SCN9A: variants seen among roughly 807,000 people sequenced by gnomAD.
SCN9A encodes sodium voltage-gated channel alpha subunit 9, also known as sodium channel protein type 9 subunit alpha.
Under a neutral mutation model 187.0 loss-of-function variants are expected in SCN9A, and 131 were observed. That is an observed-to-expected ratio of 0.70 (90% confidence interval 0.61 to 0.81). The LOEUF is 0.81. Among genes scored for constraint, SCN9A ranks in the 30% least tolerant of loss-of-function variants. The probability of loss-of-function intolerance (pLI) is 0.00; values close to 1 mark genes in which losing one functional copy is unlikely to be tolerated. For missense variants in SCN9A, 2,252 were observed against 2,396.6 expected (o/e 0.94, Z 1.26); for synonymous variants, 809 against 808.6 (o/e 1.00, Z -0.01).
intron 1 of SCN9A, among the ~76,000 whole-genome samples, chr2:166,352,266 C>T (rs1225664018): frequency 3.9e-5 from 6 of 152,080 alleles, no homozygotes; most frequent in Non-Finnish European, 5.9e-5. Flanking sequence ...GGATGATTCC[C>T]CTTTAAAGAC....
rs199800370 is a variant in SCN9A at position 166,228,708 on chromosome 2, G to A, written c.4189C>T (p.Leu1397=). ...ACACTTACAACTTGAAGCAGAGATA[G>A]GTAACCAAGTCCGACATTATCAAAG... The part of the protein sequence containing the change: ...VNFDNVGLGY[L]SLLQVATFKG... The change falls in exon 22 of 27, where the codon CTA becomes TTA. Residue 1397 remains leucine (L), a synonymous_variant. Transcript: ENST00000642356. 5 of 1,612,208 alleles carry A rather than the reference G, an allele frequency of 3.1e-6. No homozygotes were observed. In the East Asian group the frequency reaches 8.9e-5, roughly 29 times the overall value.
chr2:166,340,536 CTTTCCCTTTCTT>C lies in SCN9A; in HGVS notation c.-50-28742_-50-28731del, dbSNP rs1699743596. ...CTTCCTTCCCTCTCTCCTTTCTTTT[CTTTCCCTTTCTT>C]TCTTTCTTTCTTTCTTTCTTTCTTT... On this transcript the variant is annotated intron_variant, in intron 1 of 26. Transcript: ENST00000642356. 2.1e-5 allele frequency among the ~76,000 whole-genome samples: 2 copies of C among 95,020 alleles called. 1 individual carries two copies. The highest frequency in any genetic ancestry group is 1.1e-4 in the African/African-American group (2 of 18,886). The allele number at this position is 95,020 out of a possible 152,430, so 62.3% of individuals were successfully genotyped here.
intron 18 of SCN9A, 132 bp downstream of exon 18, chr2:166,251,633 A>G: frequency 1.1e-6 from 1 of 911,304 alleles, no homozygotes; most frequent in Non-Finnish European, 1.7e-6. Flanking sequence ...TAATCATCAT[A>G]CAGCTATAGC....
At chr2:166,357,730 A>C (rs1372266519) in intron 1 of SCN9A, among the ~76,000 whole-genome samples, 1 of 152,156 alleles carries the variant, frequency 6.6e-6, no homozygotes, top group Non-Finnish European at 1.5e-5. Context: ...ACTCCTCACT[A>C]GTCAAGAAGT....
At chr2:166,271,636 C>A (rs1696989914) in intron 17 of SCN9A, among the ~76,000 whole-genome samples, 2 of 151,976 alleles carry the variant, frequency 1.3e-5, no homozygotes, top group Non-Finnish European at 1.5e-5. Context: ...TGAAGAATTG[C>A]CTGAGTCCAG....
At chr2:166,298,637 C>G (rs1394846688) in intron 7 of SCN9A, 3 of 152,168 alleles carry the variant, frequency 2.0e-5, no homozygotes, top group Non-Finnish European at 4.4e-5. Flanking sequence ...AATTCATTTG[C>G]CTTAGCACTT....
intron 24 of SCN9A, among the ~76,000 whole-genome samples, chr2:166,222,322 A>G (rs977626706): frequency 8.5e-5 from 13 of 152,232 alleles, no homozygotes; most frequent in Non-Finnish European, 1.9e-4. Context: ...TAATCATCAG[A>G]AAATTCAAAT....
At chr2:166,367,978 A>G (rs755705775) in intron 1 of SCN9A, among the ~76,000 whole-genome samples, 3 of 152,238 alleles carry the variant, frequency 2.0e-5, no homozygotes, top group Non-Finnish European at 4.4e-5. Flanking sequence ...ATTTTATTTT[A>G]GCTCCATTAA....
chr2:166,226,789 C>G, intron 23 of SCN9A, 85 bp from the exon 24 acceptor site: 1 of 966,434 alleles, frequency 1.0e-6, no homozygotes, highest in African/African-American at 1.7e-5. Flanking sequence ...GTAATTCAAA[C>G]AGTGCTATCC....
chr2:166,313,468 A>G (rs547082685), intron 1 of SCN9A, among the ~76,000 whole-genome samples: 2 of 152,162 alleles, frequency 1.3e-5, no homozygotes, highest in South Asian at 2.1e-4. Context: ...TTGCATTTTT[A>G]TGTTATGGCA....
chr2:166,300,577 A>G lies in SCN9A; in HGVS notation c.901+2513T>C, dbSNP rs569242680. Among the ~76,000 whole-genome samples, 7 of 150,974 alleles carry G rather than the reference A, an allele frequency of 4.6e-5. 1 individual carries two copies. The highest frequency in any genetic ancestry group is 1.7e-4 in the African/African-American group (7 of 40,310). ...TTTTTTTTCATTCCCACTAGATGATAAGCTCTGTGAAAGCAAGGGCTGAGG... is the reference window on the plus strand; with the variant it reads ...TTTTTTTTCATTCCCACTAGATGATGAGCTCTGTGAAAGCAAGGGCTGAGG... On this transcript the variant is annotated intron_variant, in intron 7 of 26. Coordinates refer to ENST00000642356, the MANE Select transcript of SCN9A (RefSeq NM_001365536.1).
At chr2:166,256,360 T>A (rs1182712928) in intron 17 of SCN9A, among the ~76,000 whole-genome samples, 1 of 151,380 alleles carries the variant, frequency 6.6e-6, no homozygotes, top group Non-Finnish European at 1.5e-5. Context: ...ATATGAAATT[T>A]CTCAAGATTC....
intron 17 of SCN9A, among the ~76,000 whole-genome samples, chr2:166,267,185 G>A (rs1452152133): frequency 1.3e-5 from 2 of 151,630 alleles, no homozygotes; most frequent in African/African-American, 4.8e-5. Flanking sequence ...TGTTAGCTGT[G>A]GGTTTGTTAC....
intron 1 of SCN9A, among the ~76,000 whole-genome samples, chr2:166,374,835 C>T (rs759618021): frequency 6.6e-6 from 1 of 151,936 alleles, no homozygotes; most frequent in Non-Finnish European, 1.5e-5. Flanking sequence ...CTTACTGACA[C>T]TAGCTTCTTA....
intron 4 of SCN9A, among the ~76,000 whole-genome samples, 190 bp downstream of exon 4, chr2:166,306,320 G>A (rs1413830583): frequency 6.6e-6 from 1 of 152,078 alleles, no homozygotes; most frequent in Non-Finnish European, 1.5e-5. Flanking sequence ...AGAAAACACT[G>A]TAGCATCTAA....
In SCN9A at chr2:166,199,867, G is replaced by C. The variant is rs1558940780; in HGVS notation, c.4775-3C>G. 6.2e-7 allele frequency: 1 copy of C among 1,604,346 alleles called. No individual in the cohort carries two copies. The highest frequency in any genetic ancestry group is 8.5e-7 in the Non-Finnish European group (1 of 1,174,038). ...AATCAAATCAGCTAGAAACATACCT[G>C]TATGTGGAGGAAAATAATAGAAATA... On this transcript the variant is annotated splice_polypyrimidine_tract_variant and splice_region_variant and intron_variant, in intron 26 of 26. Coordinates refer to ENST00000642356, the MANE Select transcript of SCN9A (RefSeq NM_001365536.1).
At chr2:166,302,073 A>T (rs1483953630) in intron 7 of SCN9A, 2 of 151,004 alleles carry the variant, frequency 1.3e-5, no homozygotes, top group Non-Finnish European at 2.9e-5. Context: ...ACTTTTTATT[A>T]TCTAAGGAGA....
intron 20 of SCN9A, among the ~76,000 whole-genome samples, chr2:166,234,407 A>G (rs1389933086): frequency 2.0e-5 from 3 of 152,182 alleles, no homozygotes; most frequent in Non-Finnish European, 4.4e-5. Context: ...GAGAGATTCA[A>G]TTTTTCGAGG....
Position 166,370,214 on chromosome 2 carries a change from A to ATCATCATCATC in SCN9A, c.-51+5482_-51+5483insGATGATGATGA, listed in dbSNP as rs1553507677. Among the ~76,000 whole-genome samples, 360 of 92,972 alleles carry ATCATCATCATC rather than the reference A, an allele frequency of 3.9e-3. 1 individual carries two copies. The highest frequency in any genetic ancestry group is 0.018 in the African/African-American group (303 of 16,822). The allele number at this position is 92,972 out of a possible 152,430, so 61.0% of individuals were successfully genotyped here. A position where few individuals can be genotyped will look rare whatever the true frequency, so the allele number is the denominator to read the frequency against. ...TTAAAATAATAATAATAATAATAAT[A>ATCATCATCATC]ATAATAATAATAATAATAATAATCA... is the stretch of plus-strand genomic sequence containing the variant. On this transcript the variant is annotated intron_variant, in intron 1 of 26. Transcript: ENST00000642356.
Sources: gnomAD v4.1 joint callset for allele counts (sites outside exome capture counted in the v4.1 genomes callset) on GRCh38, gnomAD v4.1.1 for gene constraint, MANE v1.5 for transcripts, NCBI Gene and HGNC (gene_info 2026-07-23, HGNC 2026-07-21) for gene names.